SLC14A2: variants seen among roughly 807,000 people sequenced by gnomAD.
SLC14A2 encodes urea transporter 2.
Under a neutral mutation model 104.6 loss-of-function variants are expected in SLC14A2, and 91 were observed. The ratio of observed to expected loss-of-function variants is 0.87; its 90% CI spans 0.73 to 1.04. The LOEUF is 1.04. Among genes scored for constraint, SLC14A2 ranks in the 50% least tolerant of loss-of-function variants. The pLI, the probability that SLC14A2 is intolerant of heterozygous loss-of-function variation, is 0.00. For missense variants in SLC14A2, 1,189 were observed against 1,156.0 expected (o/e 1.03, Z -0.41); for synonymous variants, 476 against 466.4 (o/e 1.02, Z -0.27).
At chr18:45,239,553 G>C (rs1044692085) in intron 1 of SLC14A2, among the ~76,000 whole-genome samples, 9 of 152,236 alleles carry the variant, frequency 5.9e-5, no homozygotes, top group African/African-American at 2.2e-4. Context: ...TGATGCTGCT[G>C]AAAATCATGC....
intron 1 of SLC14A2, among the ~76,000 whole-genome samples, chr18:45,250,946 A>C (rs2084416889): frequency 6.6e-6 from 1 of 152,112 alleles, no homozygotes; most frequent in Non-Finnish European, 1.5e-5. Flanking sequence ...TGCTCCTCTG[A>C]AAGAGTTAGC....
intron 1 of SLC14A2, among the ~76,000 whole-genome samples, chr18:45,357,085 T>G (rs2085561774): frequency 6.6e-6 from 1 of 152,032 alleles, no homozygotes; most frequent in African/African-American, 2.4e-5. Context: ...ATTGGGGATG[T>G]TGGAGAGGCA....
chr18:45,664,052 G>T, intron 11 of SLC14A2, 145 bp downstream of exon 11: 1 of 813,608 alleles, frequency 1.2e-6, no homozygotes. Context: ...TCTGACCAAG[G>T]CCACAGTTCC....
At chr18:45,452,503 T>G (rs1331864630) in intron 1 of SLC14A2, among the ~76,000 whole-genome samples, 4 of 152,230 alleles carry the variant, frequency 2.6e-5, no homozygotes, top group Non-Finnish European at 5.9e-5. Flanking sequence ...CATTTTAGGT[T>G]CAGGGGAAAC....
chr18:45,346,654 G>A (rs565235452), intron 1 of SLC14A2, among the ~76,000 whole-genome samples: 8 of 152,234 alleles, frequency 5.3e-5, no homozygotes, highest in South Asian at 4.2e-4. Flanking sequence ...TAGGCTGGGC[G>A]CAGTAGCTCA....
chr18:45,399,842 G>C (rs925690207), intron 1 of SLC14A2, among the ~76,000 whole-genome samples: 1 of 152,034 alleles, frequency 6.6e-6, no homozygotes, highest in Admixed American at 6.6e-5. Context: ...TTAGTACCAA[G>C]AGCCAAGGGA....
intron 1 of SLC14A2, among the ~76,000 whole-genome samples, chr18:45,308,757 C>T (rs934280029): frequency 6.6e-6 from 1 of 152,162 alleles, no homozygotes; most frequent in Non-Finnish European, 1.5e-5. Context: ...TTAACTAAAG[C>T]TAATATTTAT....
At chr18:45,255,827 C>T (rs373658676) in intron 1 of SLC14A2, among the ~76,000 whole-genome samples, 81 of 152,150 alleles carry the variant, frequency 5.3e-4, no homozygotes, top group African/African-American at 1.9e-3. Context: ...CCCCCTGCAC[C>T]CCCTTCAATG....
At chr18:45,221,516 G>A (rs2084062046) in intron 1 of SLC14A2, among the ~76,000 whole-genome samples, 1 of 152,144 alleles carries the variant, frequency 6.6e-6, no homozygotes, top group African/African-American at 2.4e-5. Flanking sequence ...GGGAGGCAGG[G>A]TGTAATCAAA....
chr18:45,351,524 T>C (rs1223378616), intron 1 of SLC14A2, among the ~76,000 whole-genome samples: 1 of 151,950 alleles, frequency 6.6e-6, no homozygotes, highest in Non-Finnish European at 1.5e-5. Flanking sequence ...CCAGCTAATT[T>C]TGTTCATTTT....
chr18:45,541,600 G>A (rs930806251), intron 2 of SLC14A2, among the ~76,000 whole-genome samples: 2 of 152,250 alleles, frequency 1.3e-5, no homozygotes, highest in Non-Finnish European at 2.9e-5. Context: ...TAGTTAAAAT[G>A]TAACTAGGAA....
intron 1 of SLC14A2, among the ~76,000 whole-genome samples, chr18:45,332,221 G>T (rs1389672525): frequency 6.6e-5 from 10 of 151,898 alleles, no homozygotes; most frequent in Non-Finnish European, 1.3e-4. Flanking sequence ...TGTATCTGTG[G>T]GTTATACATC....
chr18:45,400,455 A>G (rs1037125861), intron 1 of SLC14A2, among the ~76,000 whole-genome samples: 3 of 152,230 alleles, frequency 2.0e-5, no homozygotes, highest in Admixed American at 1.3e-4. Flanking sequence ...CTCTAAGGTG[A>G]CAAGAAATAT....
the SLC14A2 span, among the ~76,000 whole-genome samples, chr18:45,197,811 G>A: frequency 6.6e-6 from 1 of 152,140 alleles, no homozygotes; most frequent in African/African-American, 2.4e-5. Context: ...ATTATTCAGA[G>A]CTACTCACTT....
intron 1 of SLC14A2, among the ~76,000 whole-genome samples, chr18:45,341,528 A>C (rs1158869872): frequency 1.4e-5 from 2 of 147,284 alleles, no homozygotes; most frequent in African/African-American, 5.1e-5. Flanking sequence ...ATTTTTGCAC[A>C]TTTTGTTGGT....
chr18:45,254,674 G>T (rs2084457871), intron 1 of SLC14A2, among the ~76,000 whole-genome samples: 1 of 152,076 alleles, frequency 6.6e-6, no homozygotes, highest in South Asian at 2.1e-4. Flanking sequence ...TCCTCTATTT[G>T]AATCTTCTTT....
At position 45,356,550 on chromosome 18, in the gene SLC14A2, C is replaced by T. The variant is rs139064041; in HGVS notation, c.-124-126683C>T. ...TACGGGAAACGATGTGGGAAGTGATCGAACCTGAGACCAGAAAGCTGACTT... is the reference window on the plus strand; with the variant it reads ...TACGGGAAACGATGTGGGAAGTGATTGAACCTGAGACCAGAAAGCTGACTT... On this transcript the variant is annotated intron_variant, in intron 1 of 20. Transcript: ENST00000586448. Among the ~76,000 whole-genome samples the T allele has an allele frequency of 6.1e-3, 930 of 152,190 alleles. 38 individuals are homozygous for T. The highest frequency in any genetic ancestry group is 0.055 in the Admixed American group (847 of 15,296).
At chr18:45,545,171 G>A (rs1328168499) in intron 2 of SLC14A2, among the ~76,000 whole-genome samples, 3 of 152,188 alleles carry the variant, frequency 2.0e-5, no homozygotes, top group African/African-American at 7.2e-5. Flanking sequence ...ACCATCTGCG[G>A]ACATGCTTTG....
intron 1 of SLC14A2, among the ~76,000 whole-genome samples, chr18:45,380,573 G>T (rs766006380): frequency 3.3e-5 from 5 of 152,152 alleles, no homozygotes; most frequent in Non-Finnish European, 5.9e-5. Flanking sequence ...AAAAAAAGTG[G>T]AATGCATTCA....
Sources: gnomAD v4.1 joint callset for allele counts (sites outside exome capture counted in the v4.1 genomes callset) on GRCh38, gnomAD v4.1.1 for gene constraint, MANE v1.5 for transcripts, NCBI Gene and HGNC (gene_info 2026-07-23, HGNC 2026-07-21) for gene names.